Variants in ITGB8 observed in about 807,000 individuals in gnomAD.
ITGB8 encodes integrin subunit beta 8.
A neutral mutation model predicts 89.5 loss-of-function variants in ITGB8; 30 were observed. That is an observed-to-expected ratio of 0.34 (90% CI 0.25 to 0.45). The LOEUF is 0.45. Ranked by LOEUF, ITGB8 falls within the 20% of genes least tolerant of loss-of-function variation. The probability of loss-of-function intolerance (pLI) is 1.00; values close to 1 mark genes in which losing one functional copy is unlikely to be tolerated. For missense variants in ITGB8, 836 were observed against 933.3 expected, an observed-to-expected ratio of 0.90 and a Z score of 1.36; for synonymous variants, 335 against 320.4, an observed-to-expected ratio of 1.05 and a Z score of -0.49.
chr7:20,386,233 C>T lies in ITGB8; in HGVS notation c.960+4348C>T, dbSNP rs942407227. On this transcript the variant is annotated intron_variant, in intron 6 of 13. Coordinates refer to ENST00000222573, the MANE Select transcript of ITGB8 (RefSeq NM_002214.3). ...AATGATCTGCTTCAAATTGTAAACA[C>T]TATGAGAACATTTTTTTTTTTTTGA... Among the ~76,000 whole-genome samples the T allele has an allele frequency of 4.8e-5, 6 of 125,826 alleles. 1 individual carries two copies. Among genetic ancestry groups the T allele is most frequent in the South Asian group, 2.9e-4 (1 of 3,464 alleles). The allele number at this position is 125,826 out of a possible 152,430, so 82.5% of individuals were successfully genotyped here. A position where few individuals can be genotyped will look rare whatever the true frequency, so the allele number is the denominator to read the frequency against.
chr7:20,388,417 T>C (rs1786715394), intron 6 of ITGB8, among the ~76,000 whole-genome samples: 1 of 152,196 alleles, frequency 6.6e-6, no homozygotes. Flanking sequence ...AAATACTTTT[T>C]TGAAGATAGG....
intron 1 of ITGB8, among the ~76,000 whole-genome samples, chr7:20,332,916 T>C (rs1403352166): frequency 7.1e-6 from 1 of 141,434 alleles, no homozygotes. Flanking sequence ...GTGACTCTTG[T>C]CATACTTTCT....
intron 1 of ITGB8, among the ~76,000 whole-genome samples, chr7:20,344,332 TA>T (rs1784854236): frequency 1.3e-5 from 2 of 152,188 alleles, no homozygotes; most frequent in Non-Finnish European, 2.9e-5. Flanking sequence ...GAGCCCTGAT[TA>T]ACTGAAGGTT....
At chr7:20,334,041 G>A (rs1264567320) in intron 1 of ITGB8, among the ~76,000 whole-genome samples, 1 of 152,164 alleles carries the variant, frequency 6.6e-6, no homozygotes, top group Non-Finnish European at 1.5e-5. Context: ...ATACAAAAGA[G>A]ACCAGAAGCT....
At chr7:20,404,529 A>G (rs1050170849) in intron 10 of ITGB8, 99 bp from the exon 11 acceptor site, 3 of 922,988 alleles carry the variant, frequency 3.3e-6, no homozygotes, top group Non-Finnish European at 5.2e-6. Context: ...TTGGACTGTC[A>G]GTGCGTTTCC....
intron 1 of ITGB8, among the ~76,000 whole-genome samples, chr7:20,345,565 G>A (rs1784897193): frequency 6.6e-6 from 1 of 152,118 alleles, no homozygotes. Context: ...GACAGTAAGA[G>A]AGTTAGCCTT....
At chr7:20,343,885 G>A (rs1040265038) in intron 1 of ITGB8, among the ~76,000 whole-genome samples, 3 of 152,122 alleles carry the variant, frequency 2.0e-5, no homozygotes, top group African/African-American at 7.2e-5. Flanking sequence ...TTTTTAATAT[G>A]TGTGTGTACA....
At chr7:20,364,022 G>T (rs747934976) in intron 2 of ITGB8, among the ~76,000 whole-genome samples, 3 of 152,196 alleles carry the variant, frequency 2.0e-5, no homozygotes, top group Non-Finnish European at 4.4e-5. Context: ...TGATAGTTAA[G>T]TAGGCTTTGG....
At chr7:20,378,641 C>T (rs1443970675) in intron 3 of ITGB8, among the ~76,000 whole-genome samples, 1 of 152,128 alleles carries the variant, frequency 6.6e-6, no homozygotes, top group African/African-American at 2.4e-5. Context: ...TTCCTCAAGT[C>T]ATTCCACACG....
At chr7:20,386,873 G>C (rs1302290886) in intron 6 of ITGB8, among the ~76,000 whole-genome samples, 1 of 152,086 alleles carries the variant, frequency 6.6e-6, no homozygotes, top group Non-Finnish European at 1.5e-5. Context: ...TAAGCAGAAA[G>C]CTTTTTGTTG....
intron 1 of ITGB8, among the ~76,000 whole-genome samples, chr7:20,339,517 G>A (rs1324261365): frequency 6.6e-6 from 1 of 152,062 alleles, no homozygotes; most frequent in Non-Finnish European, 1.5e-5. Flanking sequence ...AAAGTGCTAA[G>A]ATCAATTCTT....
chr7:20,366,304 T>C (rs1743530426), intron 2 of ITGB8: 1 of 152,118 alleles, frequency 6.6e-6, no homozygotes, highest in South Asian at 2.1e-4. Flanking sequence ...GCATATATGA[T>C]AGGAAAAGTT....
intron 1 of ITGB8, among the ~76,000 whole-genome samples, chr7:20,333,650 G>C (rs545802336): frequency 1.3e-5 from 2 of 152,228 alleles, no homozygotes; most frequent in Admixed American, 1.3e-4. Context: ...TCTACCCAGT[G>C]TCTAAAACTG....
intron 10 of ITGB8, 89 bp downstream of exon 10, chr7:20,402,215 T>C (rs917557786): frequency 6.1e-6 from 7 of 1,139,940 alleles, no homozygotes; most frequent in Non-Finnish European, 8.4e-6. Flanking sequence ...TGTTTATAAA[T>C]TAGCAAAACT....
At chr7:20,390,106 C>T (rs1786793505) in intron 6 of ITGB8, among the ~76,000 whole-genome samples, 1 of 152,080 alleles carries the variant, frequency 6.6e-6, no homozygotes, top group African/African-American at 2.4e-5. Flanking sequence ...ATAGTTGTCA[C>T]AATACAGAAA....
chr7:20,355,394 G>A (rs1023778673), intron 1 of ITGB8, among the ~76,000 whole-genome samples: 26 of 152,076 alleles, frequency 1.7e-4, no homozygotes, highest in African/African-American at 5.6e-4. Flanking sequence ...CTTTCTCAGG[G>A]GAATTAAAAC....
At chr7:20,372,347 A>G (rs1338795078) in intron 3 of ITGB8, among the ~76,000 whole-genome samples, 1 of 152,198 alleles carries the variant, frequency 6.6e-6, no homozygotes, top group African/African-American at 2.4e-5. Flanking sequence ...TAGACAAGCA[A>G]TGATAGTGGT....
At chr7:20,343,392 C>G (rs140285697) in intron 1 of ITGB8, among the ~76,000 whole-genome samples, 1 of 152,180 alleles carries the variant, frequency 6.6e-6, no homozygotes, top group Non-Finnish European at 1.5e-5. Flanking sequence ...TCCCACTCCC[C>G]CTTGAGGTGA....
intron 1 of ITGB8, among the ~76,000 whole-genome samples, chr7:20,338,262 T>TA (rs1227094464): frequency 6.6e-6 from 1 of 152,206 alleles, no homozygotes; most frequent in Non-Finnish European, 1.5e-5. Context: ...TGTAGTCTGT[T>TA]ATGCTCACTG....
Sources: allele counts gnomAD v4.1 joint callset (sites outside exome capture counted in the v4.1 genomes callset), GRCh38; gene constraint gnomAD v4.1.1; transcripts MANE v1.5; gene names NCBI Gene and HGNC (gene_info 2026-07-23, HGNC 2026-07-21).